The following EFCAB6 variants were observed in gnomAD, a reference collection of about 807,000 sequenced individuals.
EFCAB6 encodes the protein EF-hand calcium-binding domain-containing protein 6.
Under a neutral mutation model 169.8 loss-of-function variants are expected in EFCAB6, and 156 were observed. The observed-to-expected ratio is 0.92, with a 90% CI of 0.81 to 1.05. EFCAB6 has a LOEUF of 1.05. Among genes scored for constraint, EFCAB6 ranks in the 50% least tolerant of loss-of-function variants. The pLI, the probability that EFCAB6 is intolerant of heterozygous loss-of-function variation, is 0.00. For synonymous variants in EFCAB6, 698 were observed against 676.4 expected (o/e 1.03, Z -0.50); for missense variants, 1,800 against 1,829.1 (o/e 0.98, Z 0.29).
intron 1 of EFCAB6, among the ~76,000 whole-genome samples, chr22:43,810,106 T>G (rs868045041): frequency 6.6e-6 from 1 of 152,020 alleles, no homozygotes; most frequent in East Asian, 1.9e-4. Context: ...CTCGAACTCC[T>G]GGCCTCAAGC....
rs535141591 is a variant in EFCAB6, at chr22:43,728,314, A to G, written c.757+3385T>C. ...ATTTTCTTTATCCAGTCTATCATTT[A>G]TGGGCATTTGGGTTAGTTCCAAGTC... On this transcript the variant is annotated intron_variant, in intron 8 of 31. Transcript: ENST00000262726. Among the ~76,000 whole-genome samples, 4 of 152,266 alleles carry G rather than the reference A, an allele frequency of 2.6e-5. No individual in the cohort carries two copies. In the South Asian group the frequency reaches 8.3e-4, roughly 32 times the overall value.
At chr22:43,541,260 T>C (rs541792611) in intron 27 of EFCAB6, among the ~76,000 whole-genome samples, 5 of 152,158 alleles carry the variant, frequency 3.3e-5, no homozygotes, top group African/African-American at 4.8e-5. Flanking sequence ...CAAAGCAAAT[T>C]AGAGTGACTG....
At chr22:43,659,058 A>G (rs976079286) in intron 17 of EFCAB6, among the ~76,000 whole-genome samples, 1 of 152,224 alleles carries the variant, frequency 6.6e-6, no homozygotes, top group Non-Finnish European at 1.5e-5. Context: ...CAGCAGTCAA[A>G]ACACAATGAT....
chr22:43,600,384 G>T, intron 22 of EFCAB6, 121 bp from the exon 23 acceptor site: 2 of 1,034,012 alleles, frequency 1.9e-6, no homozygotes, highest in Non-Finnish European at 1.4e-6. Context: ...CTCACCACTC[G>T]GAGCATGCCC....
chr22:43,669,578 T>C (rs137765), intron 15 of EFCAB6, among the ~76,000 whole-genome samples: 8 of 152,022 alleles, frequency 5.3e-5, no homozygotes, highest in Non-Finnish European at 1.0e-4. Context: ...GAGGGAGTGA[T>C]GATGAATTGC....
chr22:43,608,210 C>T (rs2053053767), intron 22 of EFCAB6, among the ~76,000 whole-genome samples: 3 of 152,254 alleles, frequency 2.0e-5, no homozygotes, highest in Non-Finnish European at 1.5e-5. Context: ...CTCCCAGGTC[C>T]TTGGAAATAG....
chr22:43,656,113 G>A (rs182653437), intron 17 of EFCAB6, among the ~76,000 whole-genome samples: 6 of 152,232 alleles, frequency 3.9e-5, no homozygotes, highest in South Asian at 2.1e-4. Context: ...GTAAGGGGCC[G>A]GGTGCAGTGG....
At chr22:43,682,652 G>A (rs867505532) in intron 12 of EFCAB6, among the ~76,000 whole-genome samples, 1 of 152,114 alleles carries the variant, frequency 6.6e-6, no homozygotes, top group East Asian at 1.9e-4. Flanking sequence ...AGCCTCAGGC[G>A]GGTTACTTAG....
rs538642695 is a variant in EFCAB6 at position 43,650,092 on chromosome 22, A to AT, written c.1984-14877dup. ...AGGAAGCCTCTGAGAAGCAAAAGGG[A>AT]TTTTTTGGTCACCTTGTGGTCCTGA... On this transcript the variant is annotated intron_variant, in intron 17 of 31. Coordinates refer to ENST00000262726, the MANE Select transcript of EFCAB6 (RefSeq NM_022785.4). Among the ~76,000 whole-genome samples, 431 of 152,206 alleles carry AT rather than the reference A, an allele frequency of 2.8e-3. 2 individuals are homozygous for AT. Among genetic ancestry groups the AT allele is most frequent in the Middle Eastern group, 0.027 (8 of 292 alleles).
chr22:43,586,075 G>T (rs183467978), intron 24 of EFCAB6, among the ~76,000 whole-genome samples: 1 of 152,304 alleles, frequency 6.6e-6, no homozygotes, highest in African/African-American at 2.4e-5. Context: ...AAAGAAGGGT[G>T]TCGGAGAAGG....
At chr22:43,539,489 T>C (rs2047568480) in intron 28 of EFCAB6, among the ~76,000 whole-genome samples, 1 of 152,212 alleles carries the variant, frequency 6.6e-6, no homozygotes, top group African/African-American at 2.4e-5. Context: ...TCACGCATAG[T>C]GATGGTGGCT....
At chr22:43,598,321 A>AAAAAAAC (rs1569223003) in intron 23 of EFCAB6, among the ~76,000 whole-genome samples, 7 of 148,024 alleles carry the variant, frequency 4.7e-5, no homozygotes, top group Non-Finnish European at 1.0e-4. Context: ...GAAAAAAAAA[A>AAAAAAAC]AAAAAAAAAA....
intron 2 of EFCAB6, among the ~76,000 whole-genome samples, chr22:43,803,720 T>C (rs2062814887): frequency 6.6e-6 from 1 of 152,054 alleles, no homozygotes; most frequent in Non-Finnish European, 1.5e-5. Flanking sequence ...AATACAATAA[T>C]ATTAGGATAC....
At chr22:43,624,080 G>A (rs1221495156) in intron 20 of EFCAB6, among the ~76,000 whole-genome samples, 1 of 152,080 alleles carries the variant, frequency 6.6e-6, no homozygotes. Context: ...TGTCCTTATG[G>A]ACATGTCACT....
At chr22:43,802,689 T>C in intron 2 of EFCAB6, 1 of 506,640 alleles carries the variant, frequency 2.0e-6, no homozygotes, top group Non-Finnish European at 3.9e-6. Flanking sequence ...AAAGCTGATA[T>C]TGGCAAGGAG....
intron 3 of EFCAB6, among the ~76,000 whole-genome samples, chr22:43,774,721 C>G (rs2061584328): frequency 6.6e-6 from 1 of 151,510 alleles, no homozygotes; most frequent in African/African-American, 2.4e-5. Context: ...TGGAAAGCAA[C>G]TTGGTGATCC....
At chr22:43,659,167 T>G (rs1011847680) in intron 17 of EFCAB6, among the ~76,000 whole-genome samples, 1 of 152,224 alleles carries the variant, frequency 6.6e-6, no homozygotes, top group African/African-American at 2.4e-5. Context: ...TGGCGTTGTG[T>G]GGGTGTATCT....
At position 43,530,812 on chromosome 22, in the gene EFCAB6, C is replaced by T; in HGVS notation, c.4383+3G>A. On this transcript the variant is annotated splice_donor_region_variant and intron_variant, in intron 31 of 31. Transcript: ENST00000262726. ...GAGGCACTGGGCGCAGAGCTGTGCT[C>T]ACCGTCCTGAAATCTGCGACGCTTA... The T allele has an allele frequency of 6.2e-7, 1 of 1,613,430 alleles. No individual in the cohort carries two copies. The highest frequency in any genetic ancestry group is 2.2e-5 in the East Asian group (1 of 44,886).
At chr22:43,691,503 G>GA (rs971246315) in intron 10 of EFCAB6, among the ~76,000 whole-genome samples, 2 of 151,830 alleles carry the variant, frequency 1.3e-5, no homozygotes, top group Non-Finnish European at 2.9e-5. Flanking sequence ...AAAAAAAGTA[G>GA]AAAAAAATCT....
Sources: gnomAD v4.1 joint callset for allele counts (sites outside exome capture counted in the v4.1 genomes callset) on GRCh38, gnomAD v4.1.1 for gene constraint, MANE v1.5 for transcripts, NCBI Gene and HGNC (gene_info 2026-07-23, HGNC 2026-07-21) for gene names.